SLC4A5: variants seen among roughly 807,000 people sequenced by gnomAD.
SLC4A5 encodes solute carrier family 4 member 5, also known as electrogenic sodium bicarbonate cotransporter 4.
SLC4A5 carries 96 observed loss-of-function variants against 120.4 expected under a neutral mutation model. That is an observed-to-expected ratio of 0.80 (90% CI 0.68 to 0.94). The LOEUF (loss-of-function observed/expected upper bound fraction) is 0.94, where lower values mean the gene tolerates loss of function less well. SLC4A5 is among the 40% of genes least tolerant of loss of function. The probability of loss-of-function intolerance (pLI) is 0.00; values close to 1 mark genes in which losing one functional copy is unlikely to be tolerated. For missense variants in SLC4A5, 1,259 were observed against 1,459.5 expected (o/e 0.86, Z 2.24); for synonymous variants, 550 against 571.1 (o/e 0.96, Z 0.53).
At chr2:74,233,589 C>T (rs771646892) in intron 22 of SLC4A5, 26 bp from the exon 23 acceptor site, 2 of 1,591,396 alleles carry the variant, frequency 1.3e-6, no homozygotes, top group Non-Finnish European at 8.6e-7. Flanking sequence ...CAGAGAGGGG[C>T]CCTTTCCTCT....
intron 28 of SLC4A5, among the ~76,000 whole-genome samples, chr2:74,223,343 A>G (rs1296840740): frequency 6.6e-6 from 1 of 152,202 alleles, no homozygotes; most frequent in African/African-American, 2.4e-5. Context: ...AAATGCATGC[A>G]TGAACATTGC....
chr2:74,324,481 G>A (rs1673172342), intron 5 of SLC4A5, among the ~76,000 whole-genome samples: 1 of 152,166 alleles, frequency 6.6e-6, no homozygotes. Flanking sequence ...ATAGCTCTAG[G>A]TTGGGGCCTG....
chr2:74,296,501 G>T (rs1013629957), intron 7 of SLC4A5, among the ~76,000 whole-genome samples: 1 of 151,076 alleles, frequency 6.6e-6, no homozygotes, highest in Non-Finnish European at 1.5e-5. Context: ...TGTGGCTCAC[G>T]TCTGTAATCC....
rs1195275855 is a variant in SLC4A5 at position 74,222,893 on chromosome 2, G to A, written c.3306C>T (p.Pro1102=). Residue 1102 remains proline, a synonymous_variant, in exon 29 of 31, where the codon CCC becomes CCT. Transcript: ENST00000394019. The stretch of plus-strand genomic sequence containing the variant: ...TGGCAATGCAGTGGATACCGTTTTG[G>A]GGATCTGATTGGACACTTTCCATGG... 3 of 1,613,696 alleles carry A rather than the reference G, an allele frequency of 1.9e-6. No homozygotes were observed. In the African/African-American group the frequency reaches 4.0e-5, roughly 22 times the overall value.
chr2:74,327,696 T>C (rs1315429732), intron 5 of SLC4A5, among the ~76,000 whole-genome samples: 1 of 152,208 alleles, frequency 6.6e-6, no homozygotes, highest in African/African-American at 2.4e-5. Context: ...CATGGTTTTC[T>C]GGGAAAGAGG....
chr2:74,249,695 G>A (rs900188711), intron 17 of SLC4A5, among the ~76,000 whole-genome samples: 2 of 152,148 alleles, frequency 1.3e-5, no homozygotes, highest in Admixed American at 1.3e-4. Flanking sequence ...GATAAGGGAC[G>A]CAATGTCAGC....
intron 3 of SLC4A5, among the ~76,000 whole-genome samples, chr2:74,334,815 T>G (rs1159519602): frequency 6.6e-6 from 1 of 152,050 alleles, no homozygotes; most frequent in African/African-American, 2.4e-5. Flanking sequence ...TCTGAATCAA[T>G]GTGAAACCTT....
intron 20 of SLC4A5, 75 bp from the exon 21 acceptor site, chr2:74,239,610 C>T: frequency 1.4e-6 from 2 of 1,456,626 alleles, no homozygotes; most frequent in Non-Finnish European, 1.9e-6. Flanking sequence ...CACTGCAGTC[C>T]CCAGGCAGCC....
intron 18 of SLC4A5, among the ~76,000 whole-genome samples, chr2:74,247,797 G>A (rs1573023572): frequency 6.6e-6 from 1 of 152,130 alleles, no homozygotes; most frequent in Non-Finnish European, 1.5e-5. Flanking sequence ...TTGCAGGTGT[G>A]AGCCACCACG....
intron 7 of SLC4A5, among the ~76,000 whole-genome samples, chr2:74,295,526 C>T (rs1187606338): frequency 2.0e-5 from 3 of 151,640 alleles, no homozygotes; most frequent in Admixed American, 6.6e-5. Context: ...CCCAGCTACT[C>T]GGGAGGCAGA....
exon 23 of SLC4A5, chr2:74,233,480 G>A (rs369807491): frequency 6.2e-7 from 1 of 1,614,084 alleles, no homozygotes; most frequent in Non-Finnish European, 8.5e-7. Flanking sequence ...TCACCAGCAG[G>A]GCGGGCAGGA....
intron 7 of SLC4A5, among the ~76,000 whole-genome samples, chr2:74,299,427 G>A (rs1416075310): frequency 6.6e-5 from 10 of 152,272 alleles, no homozygotes. Context: ...CTTGCGTGCT[G>A]CCATGTAAAA....
In SLC4A5 at chr2:74,250,603, G is replaced by C. The variant is rs963288920; in HGVS notation, c.1479-86C>G. 2.2e-5 allele frequency: 33 copies of C among 1,526,418 alleles called. No individual in the cohort carries two copies. The African/African-American group carries it at 4.6e-4, about 21-fold the overall frequency. The allele number at this position is 1,526,418 out of a possible 1,614,324, so 94.6% of individuals were successfully genotyped here. A position where few individuals can be genotyped will look rare whatever the true frequency, so the allele number is the denominator to read the frequency against. ...TATTTACAAGAACTTGCAGAGTCTG[G>C]GGCGAGGAAAGGAACTTGACCAGGG... On this transcript the variant is annotated intron_variant, in intron 16 of 30. Coordinates refer to ENST00000394019, the Ensembl canonical transcript of SLC4A5.
intron 8 of SLC4A5, among the ~76,000 whole-genome samples, chr2:74,273,299 C>CA (rs1671534464): frequency 6.6e-6 from 1 of 152,186 alleles, no homozygotes; most frequent in African/African-American, 2.4e-5. Context: ...AGTTTGTTTG[C>CA]AAAATCCCCC....
chr2:74,237,017 C>T (rs1469113918), intron 21 of SLC4A5, among the ~76,000 whole-genome samples: 1 of 150,198 alleles, frequency 6.7e-6, no homozygotes, highest in African/African-American at 2.5e-5. Context: ...CTCTCTGTCG[C>T]CCAGGCTGGA....
At chr2:74,243,543 CA>C (rs1670514867) in intron 19 of SLC4A5, among the ~76,000 whole-genome samples, 1 of 152,114 alleles carries the variant, frequency 6.6e-6, no homozygotes, top group African/African-American at 2.4e-5. Context: ...CATCAGTGAC[CA>C]AAAGAACATG....
At chr2:74,290,852 C>T (rs918089932) in intron 7 of SLC4A5, 4 of 744,414 alleles carry the variant, frequency 5.4e-6, no homozygotes, top group East Asian at 1.3e-4. Flanking sequence ...TTCCTATGTG[C>T]CTGTGGTCTC....
chr2:74,229,715 G>A (rs1219987069), intron 25 of SLC4A5, among the ~76,000 whole-genome samples: 3 of 152,050 alleles, frequency 2.0e-5, no homozygotes, highest in Admixed American at 1.3e-4. Flanking sequence ...TGTGTAATTT[G>A]TTTCCCCCAC....
chr2:74,255,615 A>C lies in SLC4A5; in HGVS notation c.1025+160T>G, dbSNP rs1240878690. ...GCCTCTTTTGTTATTATTTTTAATA[A>C]ACTCTAAAACTCTTCCCTAGTCAGA... is the stretch of plus-strand genomic sequence containing the variant. On this transcript the variant is annotated intron_variant, in intron 13 of 30. Transcript: ENST00000394019. The surrounding 1 kb of genome is among the most constrained non-coding windows in gnomAD (Gnocchi z 4.0). Among the ~76,000 whole-genome samples the C allele has an allele frequency of 2.0e-5, 3 of 152,122 alleles. No homozygotes were observed. Among genetic ancestry groups the C allele is most frequent in the African/African-American group, 7.2e-5 (3 of 41,422 alleles).
Sources: gnomAD v4.1 joint callset for allele counts (sites outside exome capture counted in the v4.1 genomes callset) on GRCh38, gnomAD v4.1.1 for gene constraint, Gnocchi (gnomAD v3.1) non-coding constraint, MANE v1.5 for transcripts, NCBI Gene and HGNC (gene_info 2026-07-23, HGNC 2026-07-21) for gene names.